The following ANKS4B variants were observed in gnomAD, a reference collection of about 807,000 sequenced individuals.
ANKS4B encodes the protein ankyrin repeat and sterile alpha motif domain containing 4B.
A neutral mutation model predicts 20.2 loss-of-function variants in ANKS4B; 21 were observed. The observed-to-expected ratio is 1.04, with a 90% CI of 0.74 to 1.50. The LOEUF is 1.50. Ranked by LOEUF, ANKS4B falls within the 40% of genes most tolerant of loss-of-function variation. The pLI is 0.00. For missense variants in ANKS4B, 473 were observed against 494.6 expected, an observed-to-expected ratio of 0.96 and a Z score of 0.41; for synonymous variants, 179 against 194.5, an observed-to-expected ratio of 0.92 and a Z score of 0.66.
At chr16:21,241,116 G>A (rs2152859453) in intron 1 of ANKS4B, among the ~76,000 whole-genome samples, 1 of 152,292 alleles carries the variant, frequency 6.6e-6, no homozygotes, top group East Asian at 1.9e-4. Context: ...TAGATTTAGA[G>A]GGTACGTGTG....
At chr16:21,247,157 C>T (rs900893102) in intron 1 of ANKS4B, among the ~76,000 whole-genome samples, 20 of 150,876 alleles carry the variant, frequency 1.3e-4, no homozygotes, top group Non-Finnish European at 4.4e-5. Flanking sequence ...CCTCCGCCTC[C>T]GGGGTTTAAG....
At position 21,240,853 on chromosome 16, in the gene ANKS4B, C is replaced by T. The variant is rs575758808; in HGVS notation, c.164+6952C>T. 3.3e-5 allele frequency among the ~76,000 whole-genome samples: 5 copies of T among 151,018 alleles called. No individual in the cohort carries two copies. The South Asian group carries it at 1.1e-3, about 32-fold the overall frequency. ...TCACCTAGGCTGGAGTGCAGTGGCACAATCTTGGCTCACTGCATCCTCCAC... is the reference window on the plus strand; with the variant it reads ...TCACCTAGGCTGGAGTGCAGTGGCATAATCTTGGCTCACTGCATCCTCCAC... On this transcript the variant is annotated intron_variant, in intron 1 of 1. Transcript: ENST00000311620.
At chr16:21,249,679 G>A (rs1262906661) in intron 1 of ANKS4B, 52 bp from the exon 2 acceptor site, 12 of 1,531,616 alleles carry the variant, frequency 7.8e-6, no homozygotes, top group East Asian at 4.5e-5. Flanking sequence ...TTGGGCCTGC[G>A]TTCAGAGAAA....
At chr16:21,247,435 T>C (rs536429444) in intron 1 of ANKS4B, among the ~76,000 whole-genome samples, 74 of 152,272 alleles carry the variant, frequency 4.9e-4, no homozygotes, top group Admixed American at 9.8e-4. Flanking sequence ...ACTAGTAGAA[T>C]GGTCGTGGCG....
chr16:21,239,626 G>A (rs1341655175), intron 1 of ANKS4B, among the ~76,000 whole-genome samples: 1 of 152,104 alleles, frequency 6.6e-6, no homozygotes, highest in Admixed American at 6.6e-5. Context: ...GTTCATTGCA[G>A]CACTGTCACA....
chr16:21,235,971 C>G (rs2152859078), intron 1 of ANKS4B, among the ~76,000 whole-genome samples: 1 of 152,344 alleles, frequency 6.6e-6, no homozygotes, highest in East Asian at 1.9e-4. Context: ...ATTCCACAAA[C>G]TGCAAGATGT....
chr16:21,239,505 C>T (rs754204462), intron 1 of ANKS4B, among the ~76,000 whole-genome samples: 2 of 152,076 alleles, frequency 1.3e-5, no homozygotes, highest in South Asian at 2.1e-4. Context: ...TGCTTGAACC[C>T]GCAAGGAGAA....
chr16:21,253,411 T>C lies in ANKS4B; in HGVS notation c.*2591T>C, dbSNP rs2093341911. On this transcript the variant is annotated 3_prime_UTR_variant, in exon 2 of 2. Coordinates refer to ENST00000311620, the MANE Select transcript of ANKS4B (RefSeq NM_145865.3). The stretch of plus-strand genomic sequence containing the variant: ...GATTGTTTACAAATACCTTATCTTG[T>C]GGAATAAACTGAAGTTGTGCTTTCC... 1 of 152,212 alleles carries C rather than the reference T, an allele frequency of 6.6e-6. No individual in the cohort carries two copies. Among genetic ancestry groups the C allele is most frequent in the East Asian group, 1.9e-4 (1 of 5,204 alleles). The allele number at this position is 152,212 out of a possible 1,614,324, so 9.4% of individuals were successfully genotyped here. A position where few individuals can be genotyped will look rare whatever the true frequency, so the allele number is the denominator to read the frequency against.
Position 21,251,073 on chromosome 16 carries a change from T to G in ANKS4B, c.*253T>G. ...TCTCTTCAGTTATCTTATATGTACA[T>G]ATAATTGTTTTTGTGGTTGTTTTGT... is the stretch of plus-strand genomic sequence containing the variant. On this transcript the variant is annotated 3_prime_UTR_variant, in exon 2 of 2. Transcript: ENST00000311620. The G allele has an allele frequency of 4.7e-6, 2 of 422,216 alleles. No individual in the cohort carries two copies. 26.2% of individuals were successfully genotyped at this position (422,216 alleles called of 1,614,324 possible). A position where few individuals can be genotyped will look rare whatever the true frequency, so the allele number is the denominator to read the frequency against.
rs747762926 is a variant in ANKS4B at position 21,233,747 on chromosome 16, C to T, written c.10C>T (p.Arg4Cys). Residue 4 changes from arginine (R) to cysteine (C), a missense_variant, in exon 1 of 2, where the codon CGT (arginine) becomes TGT (cysteine). Coordinates refer to ENST00000311620, the MANE Select transcript of ANKS4B (RefSeq NM_145865.3). Reference protein sequence around the residue: MSTRYHQAASDSYL... With the variant: MSTCYHQAASDSYL... ...CTGGTGAGCAGGAAAAATGTCTACT[C>T]GTTACCACCAAGCTGCTAGTGATAG... is the stretch of plus-strand genomic sequence containing the variant. 11 of 1,613,364 alleles carry T rather than the reference C, an allele frequency of 6.8e-6. No individual in the cohort carries two copies. In the Middle Eastern group the frequency reaches 4.9e-4, roughly 72 times the overall value.
rs2093336942 is a variant in ANKS4B, at chr16:21,250,042, A to G, written c.476A>G (p.Asn159Ser). 2.5e-6 allele frequency: 4 copies of G among 1,614,198 alleles called. No individual in the cohort carries two copies. The highest frequency in any genetic ancestry group is 3.4e-6 in the Non-Finnish European group (4 of 1,180,032). ...GAGAGGCTCCAGGAGAAGCACCAAA[A>G]TAAGATGGCCCACACCTACAGCAAG... ...ECERLQEKHQNKMAHTYSKEE... is the reference protein window; with the variant it reads ...ECERLQEKHQSKMAHTYSKEE... The change falls in exon 2 of 2, where the codon AAT (asparagine) becomes AGT (serine). Residue 159 changes from asparagine to serine, a missense_variant. By Grantham distance (46) the Asn-to-Ser change is conservative (BLOSUM62 1). Transcript: ENST00000311620.
chr16:21,247,050 T>C (rs2093333177), intron 1 of ANKS4B, among the ~76,000 whole-genome samples: 1 of 151,866 alleles, frequency 6.6e-6, no homozygotes, highest in Admixed American at 6.6e-5. Flanking sequence ...GTGAGAGTCT[T>C]CTGTACTTTT....
chr16:21,241,085 C>T (rs190002703), intron 1 of ANKS4B, among the ~76,000 whole-genome samples: 50 of 152,312 alleles, frequency 3.3e-4, no homozygotes, highest in African/African-American at 1.2e-3. Context: ...TGAGTCACTG[C>T]ACCACGCCAG....
chr16:21,245,535 G>A (rs759684935), intron 1 of ANKS4B, among the ~76,000 whole-genome samples: 6 of 151,960 alleles, frequency 3.9e-5, no homozygotes, highest in South Asian at 4.1e-4. Context: ...GTGCGGCGGC[G>A]CAATCTCGGC....
chr16:21,248,368 G>T (rs948120751), intron 1 of ANKS4B, among the ~76,000 whole-genome samples: 1 of 149,816 alleles, frequency 6.7e-6, no homozygotes, highest in African/African-American at 2.5e-5. Context: ...TGTTGCCCAG[G>T]CTGTAGACAG....
intron 1 of ANKS4B, among the ~76,000 whole-genome samples, chr16:21,244,884 T>C (rs1042123392): frequency 1.3e-5 from 2 of 151,818 alleles, no homozygotes; most frequent in African/African-American, 2.4e-5. Context: ...TAGATTTGAT[T>C]TCATTTTCTT....
intron 1 of ANKS4B, among the ~76,000 whole-genome samples, chr16:21,246,867 T>A (rs991005866): frequency 1.3e-5 from 2 of 152,210 alleles, no homozygotes; most frequent in African/African-American, 4.8e-5. Context: ...TCTTTGTAAC[T>A]AACACACACC....
rs1314678939 is a variant in ANKS4B, at chr16:21,249,938, G to A, written c.372G>A (p.Gln124=). The stretch of plus-strand genomic sequence containing the variant: ...TCCTGGACAAGGCTGCCACTGCACA[G>A]AACATCATGAACCCCAAGAAGGTCA... ...VALLDKAATA[Q]NIMNPKKVTR... is the part of the protein sequence containing the mutation. Residue 124 remains glutamine, a synonymous_variant, in exon 2 of 2, where the codon CAG becomes CAA. Coordinates refer to ENST00000311620, the MANE Select transcript of ANKS4B (RefSeq NM_145865.3). 2.5e-6 allele frequency: 4 copies of A among 1,614,088 alleles called. No individual in the cohort carries two copies. The highest frequency in any genetic ancestry group is 2.7e-5 in the African/African-American group (2 of 74,950).
intron 1 of ANKS4B, among the ~76,000 whole-genome samples, chr16:21,236,726 T>G (rs1343323636): frequency 2.0e-5 from 3 of 152,014 alleles, no homozygotes; most frequent in African/African-American, 4.8e-5. Context: ...CTGCTAGTCT[T>G]TAATTACAAA....
Sources: gnomAD v4.1 joint callset for allele counts (sites outside exome capture counted in the v4.1 genomes callset) on GRCh38, gnomAD v4.1.1 for gene constraint, MANE v1.5 for transcripts, NCBI Gene and HGNC (gene_info 2026-07-23, HGNC 2026-07-21) for gene names.